Variants in FGD6 observed in about 807,000 individuals in gnomAD.
The protein encoded by FGD6 is FYVE, RhoGEF and PH domain containing 6, also known as FYVE, RhoGEF and PH domain-containing protein 6.
Under a neutral mutation model 149.4 loss-of-function variants are expected in FGD6, and 90 were observed. That is an observed-to-expected ratio of 0.60 (90% confidence interval 0.51 to 0.72). FGD6 has a LOEUF of 0.72. FGD6 is among the 30% of genes least tolerant of loss of function. The probability of loss-of-function intolerance (pLI) is 0.00; values close to 1 mark genes in which losing one functional copy is unlikely to be tolerated. For missense variants in FGD6, 1,437 were observed against 1,684.8 expected (o/e 0.85, Z 2.57); for synonymous variants, 527 against 584.0 (o/e 0.90, Z 1.41).
chr12:95,193,167 T>G (rs1166990590), intron 2 of FGD6, among the ~76,000 whole-genome samples: 1 of 152,126 alleles, frequency 6.6e-6, no homozygotes, highest in Non-Finnish European at 1.5e-5. Context: ...TCCAGAGAAA[T>G]GAAAATATAT....
chr12:95,182,187 ATACACATATT>A (rs1281644500), intron 2 of FGD6, among the ~76,000 whole-genome samples: 4 of 21,456 alleles, frequency 1.9e-4, no homozygotes, highest in Non-Finnish European at 4.5e-4. Flanking sequence ...TCACAGTTGC[ATACACATATT>A]TACACATATA....
intron 2 of FGD6, among the ~76,000 whole-genome samples, chr12:95,180,534 A>T (rs1881252321): frequency 6.6e-6 from 1 of 151,938 alleles, no homozygotes; most frequent in South Asian, 2.1e-4. Flanking sequence ...TTGGGACAAC[A>T]GGTGCGTGCC....
rs188249185 is a variant in FGD6 at position 95,092,879 on chromosome 12, T to C, written c.3601-34A>G. On this transcript the variant is annotated intron_variant, in intron 15 of 20. Coordinates refer to ENST00000343958, the MANE Select transcript of FGD6 (RefSeq NM_018351.4). ...GAAGAACAACTTCTGATTATCTCCA[T>C]GCACACTGCCTGCCTTTTTATTCGG... is the stretch of plus-strand genomic sequence containing the variant. 2.7e-5 allele frequency: 42 copies of C among 1,576,146 alleles called. No homozygotes were observed. In the South Asian group the frequency reaches 4.7e-4, roughly 18 times the overall value.
intron 14 of FGD6, among the ~76,000 whole-genome samples, chr12:95,102,119 C>T (rs1041402422): frequency 1.3e-5 from 2 of 151,750 alleles, no homozygotes; most frequent in African/African-American, 4.8e-5. Flanking sequence ...CCAGCCTGGC[C>T]AATATGGTGA....
chr12:95,110,413 G>C (rs1348193490), intron 9 of FGD6, among the ~76,000 whole-genome samples: 1 of 150,278 alleles, frequency 6.7e-6, no homozygotes, highest in Admixed American at 6.7e-5. Flanking sequence ...CTGAAGTGCA[G>C]TGGCATGATC....
intron 19 of FGD6, chr12:95,085,412 A>C (rs1287919619): frequency 4.9e-6 from 1 of 203,468 alleles, no homozygotes; most frequent in African/African-American, 2.3e-5. Flanking sequence ...CATGTTGGCC[A>C]GGCTAGTCTC....
At chr12:95,212,631 A>G (rs1175335938) in intron 1 of FGD6, among the ~76,000 whole-genome samples, 1 of 152,220 alleles carries the variant, frequency 6.6e-6, no homozygotes, top group African/African-American at 2.4e-5. Flanking sequence ...TCTAACACTT[A>G]ATAAAAACTT....
At chr12:95,124,009 A>G (rs11107907) in intron 8 of FGD6, among the ~76,000 whole-genome samples, 133,256 of 151,624 alleles carry the variant, frequency 0.88, 58,897 homozygotes, top group African/African-American at 0.97. Flanking sequence ...GACCTCCTGG[A>G]CTCAAGCGAT....
At chr12:95,149,939 T>C in intron 5 of FGD6, among the ~76,000 whole-genome samples, 1 of 147,022 alleles carries the variant, frequency 6.8e-6, no homozygotes, top group South Asian at 2.1e-4. Context: ...AAGTATATTA[T>C]ATATACTACA....
intron 5 of FGD6, among the ~76,000 whole-genome samples, chr12:95,150,403 C>T (rs1339103681): frequency 2.8e-5 from 1 of 36,340 alleles, no homozygotes; most frequent in Non-Finnish European, 4.3e-5. Context: ...GGCTAGCTCC[C>T]ATCAGAGAGC....
intron 8 of FGD6, among the ~76,000 whole-genome samples, chr12:95,117,818 C>T (rs1037859959): frequency 2.6e-5 from 4 of 152,024 alleles, no homozygotes; most frequent in Non-Finnish European, 4.4e-5. Flanking sequence ...CCGAGGTGGG[C>T]GGATCATGAG....
rs540277968 is a variant in FGD6, at chr12:95,082,375, C to T, written c.4257-819G>A. Among the ~76,000 whole-genome samples, 6 of 152,050 alleles carry T rather than the reference C, an allele frequency of 3.9e-5. No individual in the cohort carries two copies. The East Asian group carries it at 7.7e-4, about 20-fold the overall frequency. ...GTTTGCATGCTGTATGAGAGCTTCTCGGCTGGGCGCCGTGGCTCATGCCTG... is the reference window on the plus strand; with the variant it reads ...GTTTGCATGCTGTATGAGAGCTTCTTGGCTGGGCGCCGTGGCTCATGCCTG... On this transcript the variant is annotated intron_variant, in intron 20 of 20. Coordinates refer to ENST00000343958, the MANE Select transcript of FGD6 (RefSeq NM_018351.4).
chr12:95,105,119 A>C, intron 13 of FGD6, 33 bp from the exon 14 acceptor site: 1 of 1,572,398 alleles, frequency 6.4e-7, no homozygotes, highest in Non-Finnish European at 8.6e-7. Flanking sequence ...GAGCCGACTC[A>C]TCCTACTGAA....
At chr12:95,181,727 G>T (rs1227381782) in intron 2 of FGD6, among the ~76,000 whole-genome samples, 1 of 152,210 alleles carries the variant, frequency 6.6e-6, no homozygotes, top group Non-Finnish European at 1.5e-5. Flanking sequence ...GCTGAGGCAG[G>T]CAGATCACAA....
chr12:95,113,634 C>T lies in FGD6; in HGVS notation c.3133+17G>A. On this transcript the variant is annotated intron_variant, in intron 9 of 20. Coordinates refer to ENST00000343958, the MANE Select transcript of FGD6 (RefSeq NM_018351.4). ...AAACATAATATAAAAACTTCTGCAACCACAGAAGTTATTTACCTTGAGTGT... is the reference window on the plus strand; with the variant it reads ...AAACATAATATAAAAACTTCTGCAATCACAGAAGTTATTTACCTTGAGTGT... 1 of 1,571,256 alleles carries T rather than the reference C, an allele frequency of 6.4e-7. No homozygotes were observed. The highest frequency in any genetic ancestry group is 8.7e-7 in the Non-Finnish European group (1 of 1,154,876).
At chr12:95,112,971 CCT>C (rs1878881942) in intron 9 of FGD6, among the ~76,000 whole-genome samples, 1 of 152,078 alleles carries the variant, frequency 6.6e-6, no homozygotes, top group African/African-American at 2.4e-5. Context: ...TGGTTCAATC[CCT>C]GTTTTTGAAA....
rs938760600 is a variant in FGD6, at chr12:95,092,593, G to A, written c.3747+106C>T. On this transcript the variant is annotated intron_variant, in intron 16 of 20. Coordinates refer to ENST00000343958, the MANE Select transcript of FGD6 (RefSeq NM_018351.4). ...TAACATAATAATAATAATAGTTATT[G>A]TTATTCTTGAACTATAATGGTTTAT... The A allele has an allele frequency of 9.8e-6, 11 of 1,118,574 alleles. No homozygotes were observed. The African/African-American group carries it at 1.6e-4, about 16-fold the overall frequency. The allele number at this position is 1,118,574 out of a possible 1,614,324, so 69.3% of individuals were successfully genotyped here.
chr12:95,176,667 T>C (rs1047829553), intron 2 of FGD6, among the ~76,000 whole-genome samples: 4 of 152,198 alleles, frequency 2.6e-5, no homozygotes, highest in African/African-American at 9.6e-5. Flanking sequence ...GACTACATGA[T>C]GCCATCACTT....
chr12:95,129,785 G>A (rs1290830306), intron 8 of FGD6, among the ~76,000 whole-genome samples: 6 of 152,120 alleles, frequency 3.9e-5, no homozygotes, highest in Non-Finnish European at 2.9e-5. Flanking sequence ...TGATTCTCCT[G>A]CCTTAGCCTC....
Sources: allele counts gnomAD v4.1 joint callset (sites outside exome capture counted in the v4.1 genomes callset), GRCh38; gene constraint gnomAD v4.1.1; transcripts MANE v1.5; gene names NCBI Gene and HGNC (gene_info 2026-07-23, HGNC 2026-07-21).